Variants in IFT43 observed in about 807,000 individuals in gnomAD.
IFT43 encodes intraflagellar transport 43, also known as intraflagellar transport protein 43 homolog.
A neutral mutation model predicts 32.3 loss-of-function variants in IFT43; 33 were observed. The ratio of observed to expected loss-of-function variants is 1.02; its 90% CI spans 0.77 to 1.37. The LOEUF (loss-of-function observed/expected upper bound fraction) is 1.37, where lower values mean the gene tolerates loss of function less well. Among genes scored for constraint, IFT43 ranks in the 40% most tolerant of loss-of-function variants. The pLI is 0.00. For missense variants in IFT43, 274 were observed against 265.9 expected (o/e 1.03, Z -0.21); for synonymous variants, 93 against 98.2 (o/e 0.95, Z 0.31).
rs367828753 is a variant in IFT43 at position 76,011,068 on chromosome 14, AATTATT to A, written c.148-11243_148-11238del. Among the ~76,000 whole-genome samples the A allele has an allele frequency of 6.7e-3, 1,007 of 151,208 alleles. 15 individuals are homozygous for A. Among genetic ancestry groups the A allele is most frequent in the African/African-American group, 0.023 (937 of 41,138 alleles). On this transcript the variant is annotated intron_variant, in intron 2 of 8. Transcript: ENST00000314067. ...TAGCTGCACACCACCACACCCAGCT[AATTATT>A]ATTATTATTATTATTGGTAGAGATG...
chr14:75,987,915 G>A (rs539588432), intron 1 of IFT43, among the ~76,000 whole-genome samples: 7 of 152,294 alleles, frequency 4.6e-5, no homozygotes, highest in South Asian at 4.2e-4. Context: ...GTACATATCA[G>A]AGCAAATGCT....
intron 3 of IFT43, among the ~76,000 whole-genome samples, chr14:76,041,511 C>CA (rs2036706413): frequency 6.6e-6 from 1 of 152,224 alleles, no homozygotes; most frequent in South Asian, 2.1e-4. Context: ...TGAACCCCTC[C>CA]AGCTGGGGAA....
At chr14:75,986,104 C>T in intron 1 of IFT43, 1 of 1,446,008 alleles carries the variant, frequency 6.9e-7, no homozygotes, top group Non-Finnish European at 9.2e-7. Context: ...GGGAAATTTC[C>T]GAGCCTTTCT....
chr14:76,023,919 G>A (rs892236185), intron 3 of IFT43, among the ~76,000 whole-genome samples: 1 of 152,198 alleles, frequency 6.6e-6, no homozygotes, highest in African/African-American at 2.4e-5. Flanking sequence ...AGCCAGGGGT[G>A]TTCAAGAGAG....
intron 5 of IFT43, among the ~76,000 whole-genome samples, chr14:76,070,115 A>G (rs2140075983): frequency 6.6e-6 from 1 of 152,346 alleles, no homozygotes; most frequent in South Asian, 2.1e-4. Flanking sequence ...CCATGTCAAC[A>G]GGGAAAACAG....
In IFT43 at chr14:76,044,198, C is replaced by A. The variant is rs1057199549; in HGVS notation, c.216-14444C>A. Among the ~76,000 whole-genome samples, 4 of 152,104 alleles carry A rather than the reference C, an allele frequency of 2.6e-5. No homozygotes were observed. In the East Asian group the frequency reaches 7.7e-4, roughly 29 times the overall value. On this transcript the variant is annotated intron_variant, in intron 3 of 8. Transcript: ENST00000314067. ...GGGATTACAGGCATGTACCACCACG[C>A]CCAGCTAATTGTTGTATTTTTAATA... is the stretch of plus-strand genomic sequence containing the variant.
intron 5 of IFT43, among the ~76,000 whole-genome samples, chr14:76,070,713 T>C (rs1017789481): frequency 6.6e-6 from 1 of 152,146 alleles, no homozygotes; most frequent in Non-Finnish European, 1.5e-5. Context: ...ACCATCCCCT[T>C]GGCGCTGTCC....
chr14:76,053,070 T>C (rs552317931), intron 3 of IFT43, among the ~76,000 whole-genome samples: 1 of 152,294 alleles, frequency 6.6e-6, no homozygotes, highest in South Asian at 2.1e-4. Context: ...TACTTACCTC[T>C]CTTGAGCTCC....
chr14:76,066,327 G>A (rs1003873758), intron 5 of IFT43, among the ~76,000 whole-genome samples: 5 of 152,168 alleles, frequency 3.3e-5, no homozygotes, highest in African/African-American at 7.2e-5. Context: ...GTCAGAGAGC[G>A]CTCCTGCTTT....
At chr14:76,014,676 A>C (rs2036149665) in intron 2 of IFT43, among the ~76,000 whole-genome samples, 1 of 152,146 alleles carries the variant, frequency 6.6e-6, no homozygotes, top group Non-Finnish European at 1.5e-5. Context: ...CCTTCTCCTC[A>C]GCACTTCCTG....
intron 2 of IFT43, among the ~76,000 whole-genome samples, chr14:75,992,593 T>C (rs149167519): frequency 1.3e-5 from 2 of 152,256 alleles, no homozygotes; most frequent in African/African-American, 4.8e-5. Flanking sequence ...TCTCCCAGGC[T>C]GGAATGCAGT....
intron 1 of IFT43, among the ~76,000 whole-genome samples, chr14:75,987,699 A>G (rs1472106779): frequency 6.6e-6 from 1 of 152,216 alleles, no homozygotes; most frequent in Non-Finnish European, 1.5e-5. Flanking sequence ...TAAATATTTC[A>G]GCACCCAAGA....
At chr14:76,040,184 G>T (rs1456363920) in intron 3 of IFT43, among the ~76,000 whole-genome samples, 1 of 152,082 alleles carries the variant, frequency 6.6e-6, no homozygotes, top group East Asian at 1.9e-4. Context: ...TGAACTCCTG[G>T]GCTCAAGCCA....
intron 2 of IFT43, among the ~76,000 whole-genome samples, chr14:76,005,266 G>A (rs2035960487): frequency 1.3e-5 from 2 of 152,250 alleles, no homozygotes. Flanking sequence ...TTAAACTTGT[G>A]GGAACTTGGT....
chr14:76,012,610 G>A (rs1018284171), intron 2 of IFT43, among the ~76,000 whole-genome samples: 20 of 152,140 alleles, frequency 1.3e-4, no homozygotes, highest in Non-Finnish European at 2.6e-4. Context: ...TGCCCCCTCC[G>A]TCCATCAGGC....
intron 3 of IFT43, among the ~76,000 whole-genome samples, chr14:76,041,515 T>G (rs1192055944): frequency 6.6e-6 from 1 of 152,246 alleles, no homozygotes; most frequent in Non-Finnish European, 1.5e-5. Context: ...CCCCTCCAGC[T>G]GGGGAACTTG....
intron 3 of IFT43, among the ~76,000 whole-genome samples, chr14:76,048,631 TCACATCATC>T (rs1257577734): frequency 1.3e-5 from 2 of 152,178 alleles, no homozygotes; most frequent in African/African-American, 2.4e-5. Context: ...TGGAGGCCCC[TCACATCATC>T]CGAGTTTTTT....
At chr14:76,065,372 A>G (rs1465542997) in intron 5 of IFT43, among the ~76,000 whole-genome samples, 1 of 152,260 alleles carries the variant, frequency 6.6e-6, no homozygotes, top group African/African-American at 2.4e-5. Context: ...TTTGTATACA[A>G]TAAACGATAT....
At chr14:76,082,728 C>G in intron 7 of IFT43, 36 bp downstream of exon 7, 1 of 1,412,238 alleles carries the variant, frequency 7.1e-7, no homozygotes, top group Non-Finnish European at 1.0e-6. Flanking sequence ...GAGGCGGGCT[C>G]CAAGCAATGG....
Sources: allele counts gnomAD v4.1 joint callset (sites outside exome capture counted in the v4.1 genomes callset), GRCh38; gene constraint gnomAD v4.1.1; transcripts MANE v1.5; gene names NCBI Gene and HGNC (gene_info 2026-07-23, HGNC 2026-07-21).